The following XBP1 variants were observed in gnomAD, a reference collection of about 807,000 sequenced individuals.
XBP1 encodes X-box binding protein 1.
XBP1 carries 18 observed loss-of-function variants against 34.6 expected under a neutral mutation model. The observed-to-expected ratio is 0.52, with a 90% CI of 0.36 to 0.77. The LOEUF is 0.77. Ranked by LOEUF, XBP1 falls within the 30% of genes least tolerant of loss-of-function variation. The pLI is 0.00. For missense variants in XBP1, 422 were observed against 464.6 expected (o/e 0.91, Z 0.84); for synonymous variants, 191 against 193.4 (o/e 0.99, Z 0.11).
chr22:28,796,367 AT>A (rs2031753009), intron 3 of XBP1, 175 bp from the exon 4 acceptor site: 5 of 556,158 alleles, frequency 9.0e-6, no homozygotes, highest in African/African-American at 2.0e-5. Flanking sequence ...AAGATAAGAT[AT>A]TTGCCAGTTC....
At chr22:28,795,806 T>C in intron 5 of XBP1, 74 bp from the exon 6 acceptor site, 7 of 1,436,746 alleles carry the variant, frequency 4.9e-6, no homozygotes, top group Non-Finnish European at 6.6e-6. Flanking sequence ...CACTTTGTAC[T>C]GGGTTCCATA....
Position 28,799,234 on chromosome 22 carries a change from C to G in XBP1, c.228-81G>C. The G allele has an allele frequency of 2.8e-6, 3 of 1,059,164 alleles. 1 individual carries two copies. The allele number at this position is 1,059,164 out of a possible 1,614,324, so 65.6% of individuals were successfully genotyped here. On this transcript the variant is annotated intron_variant, in intron 1 of 5. Transcript: ENST00000344347. ...TATTTGAAAACTTTACCAGCTGGTG[C>G]TTTCATTTTTATTTACAGTATAAGA...
Position 28,800,485 on chromosome 22 carries a change from TC to T in XBP1, c.39del (p.Thr14ProfsTer54), listed in dbSNP as rs1377285680. 6.7e-7 allele frequency: 1 copy of T among 1,485,126 alleles called. No individual in the cohort carries two copies. Among genetic ancestry groups the T allele is most frequent in the Admixed American group, 2.5e-5 (1 of 40,562 alleles). 92.0% of individuals were successfully genotyped at this position (1,485,126 alleles called of 1,614,324 possible). Reference sequence around the variant, plus strand: ...CCCGACAGAAGCAGAACTTTAGGGGTCCCGTCGGCCGGGTTCGGCGCGGCTG... The same window carrying T: ...CCCGACAGAAGCAGAACTTTAGGGGTCCGTCGGCCGGGTTCGGCGCGGCTG... On this transcript the variant is annotated frameshift_variant, in exon 1 of 6. Transcript: ENST00000344347. LOFTEE classifies it high-confidence loss of function.
chr22:28,795,155 C>T, downstream of XBP1: 1 of 1,471,838 alleles, frequency 6.8e-7, no homozygotes, highest in Non-Finnish European at 9.0e-7. Context: ...AGGAAAAGGG[C>T]AACAGTATTG....
chr22:28,800,148 C>T, intron 1 of XBP1, 150 bp downstream of exon 1: 1 of 934,326 alleles, frequency 1.1e-6, no homozygotes, highest in Non-Finnish European at 1.6e-6. Context: ...CCTGCCCCGC[C>T]CCGCGCCACG....
chr22:28,799,306 A>G (rs2031819257), intron 1 of XBP1, among the ~76,000 whole-genome samples, 153 bp from the exon 2 acceptor site: 1 of 152,250 alleles, frequency 6.6e-6, no homozygotes, highest in Non-Finnish European at 1.5e-5. Flanking sequence ...TCAATAAAAC[A>G]AAATAAAAAA....
intron 1 of XBP1, chr22:28,799,910 A>T (rs532878529): frequency 1.3e-6 from 1 of 769,170 alleles, no homozygotes; most frequent in Non-Finnish European, 2.4e-6. Context: ...CTGTTATTTC[A>T]GCTCCGCGCC....
chr22:28,798,719 C>A (rs1268546449), intron 2 of XBP1, among the ~76,000 whole-genome samples: 1 of 151,806 alleles, frequency 6.6e-6, no homozygotes, highest in Non-Finnish European at 1.5e-5. Context: ...AAACAATCCT[C>A]CCACCTCAAC....
intron 3 of XBP1, chr22:28,796,774 T>G (rs2031759438): frequency 4.8e-6 from 1 of 209,870 alleles, no homozygotes; most frequent in Non-Finnish European, 9.4e-6. Flanking sequence ...GCTCTCTTAC[T>G]TTGGTTCTCC....
Position 28,797,220 on chromosome 22 carries a change from A to T in XBP1, c.325-15T>A, listed in dbSNP as rs987220301. On this transcript the variant is annotated splice_polypyrimidine_tract_variant and intron_variant, in intron 2 of 5. Coordinates refer to ENST00000344347, the Ensembl canonical transcript of XBP1. Reference sequence around the variant, plus strand: ...AGTTTTTGGTTCTGGAAGAAAGTTCATAAGAGGCTATTAAAACATCTAATT... The same window carrying T: ...AGTTTTTGGTTCTGGAAGAAAGTTCTTAAGAGGCTATTAAAACATCTAATT... 4 of 1,609,686 alleles carry T rather than the reference A, an allele frequency of 2.5e-6. No individual in the cohort carries two copies. Among genetic ancestry groups the T allele is most frequent in the Non-Finnish European group, 3.4e-6 (4 of 1,178,672 alleles).
chr22:28,795,068 T>C, downstream of XBP1: 2 of 1,091,248 alleles, frequency 1.8e-6, no homozygotes, highest in Non-Finnish European at 2.6e-6. Flanking sequence ...TCTCTAGGAC[T>C]GTATACTCTC....
chr22:28,794,713 G>T (rs1211401200), downstream of XBP1: 1 of 153,192 alleles, frequency 6.5e-6, no homozygotes, highest in African/African-American at 2.4e-5. Flanking sequence ...AAGTATACAT[G>T]AGGGAAAGAG....
intron 1 of XBP1, 158 bp downstream of exon 1, chr22:28,800,140 T>G (rs2031847991): frequency 1.1e-6 from 1 of 875,610 alleles, no homozygotes. Flanking sequence ...CCGGGCTTCC[T>G]GCCCCGCCCC....
chr22:28,796,905 G>T, intron 3 of XBP1, 172 bp downstream of exon 3: 1 of 683,602 alleles, frequency 1.5e-6, no homozygotes, highest in Non-Finnish European at 2.3e-6. Flanking sequence ...TAAAAAATGA[G>T]TGTCAAGTGC....
exon 2 of XBP1, chr22:28,799,100 C>T: frequency 1.2e-6 from 2 of 1,614,134 alleles, no homozygotes; most frequent in Non-Finnish European, 1.7e-6. Context: ...CTCACTCATT[C>T]GAGCCTTCTT....
Position 28,795,175 on chromosome 22 carries a change from TTAGACAC to T in XBP1, c.1124_1130del (p.Ser375_Ter377delextTer?). 6.7e-7 allele frequency: 1 copy of T among 1,502,860 alleles called. No homozygotes were observed. The highest frequency in any genetic ancestry group is 2.2e-5 in the Admixed American group (1 of 44,662). The allele number at this position is 1,502,860 out of a possible 1,614,324, so 93.1% of individuals were successfully genotyped here. ...AAGGGCAACAGTATTGGATCATTCC[TTAGACAC>T]TAATCAGCTGGGGAAAGAGTTCATT... On this transcript the variant is annotated frameshift_variant and stop_lost, in exon 6 of 6. Transcript: ENST00000344347. LOFTEE classifies it high-confidence loss of function.
chr22:28,794,909 T>G (rs2031715264), downstream of XBP1: 2 of 316,790 alleles, frequency 6.3e-6, no homozygotes, highest in Non-Finnish European at 1.1e-5. Flanking sequence ...CTACCACCCT[T>G]TTAAGATAAA....
chr22:28,796,723 A>T (rs2031758592), intron 3 of XBP1: 1 of 181,224 alleles, frequency 5.5e-6, no homozygotes, highest in African/African-American at 2.4e-5. Flanking sequence ...TCATCAAAGA[A>T]CTACTTTAAT....
intron 2 of XBP1, among the ~76,000 whole-genome samples, chr22:28,798,524 G>C (rs2031793616): frequency 6.6e-6 from 1 of 151,722 alleles, no homozygotes; most frequent in African/African-American, 2.4e-5. Context: ...GGTCAGGCTG[G>C]TCTCGAACTC....
Sources: gnomAD v4.1 joint callset for allele counts (sites outside exome capture counted in the v4.1 genomes callset) on GRCh38, gnomAD v4.1.1 for gene constraint, MANE v1.5 for transcripts, NCBI Gene and HGNC (gene_info 2026-07-23, HGNC 2026-07-21) for gene names.